RXFP2: variants seen among roughly 807,000 people sequenced by gnomAD.
RXFP2 encodes relaxin family peptide receptor 2, also known as relaxin receptor 2.
A neutral mutation model predicts 88.6 loss-of-function variants in RXFP2; 68 were observed. That is an observed-to-expected ratio of 0.77 (90% CI 0.63 to 0.94). RXFP2 has a LOEUF of 0.94. RXFP2 is among the 40% of genes least tolerant of loss of function. The pLI, the probability that RXFP2 is intolerant of heterozygous loss-of-function variation, is 0.00. For synonymous variants in RXFP2, 329 were observed against 306.8 expected, an observed-to-expected ratio of 1.07 and a Z score of -0.76; for missense variants, 791 against 893.9, an observed-to-expected ratio of 0.88 and a Z score of 1.47.
At chr13:31,796,311 C>A (rs1022047017) in intron 16 of RXFP2, among the ~76,000 whole-genome samples, 2 of 151,604 alleles carry the variant, frequency 1.3e-5, no homozygotes, top group Admixed American at 1.3e-4. Flanking sequence ...GGCCTCCCAA[C>A]TATGTGTTAT....
chr13:31,740,506 G>C (rs1566208920), intron 1 of RXFP2, among the ~76,000 whole-genome samples: 1 of 151,710 alleles, frequency 6.6e-6, no homozygotes, highest in Non-Finnish European at 1.5e-5. Flanking sequence ...TGAGAATAAA[G>C]GTTAAAATTT....
At chr13:31,747,016 C>T (rs1393680878) in intron 1 of RXFP2, among the ~76,000 whole-genome samples, 1 of 152,100 alleles carries the variant, frequency 6.6e-6, no homozygotes, top group Non-Finnish European at 1.5e-5. Context: ...TTATTTGAAG[C>T]CATTTCCTTT....
intron 1 of RXFP2, among the ~76,000 whole-genome samples, chr13:31,754,024 C>T (rs1281345539): frequency 6.6e-6 from 1 of 152,166 alleles, no homozygotes; most frequent in Non-Finnish European, 1.5e-5. Context: ...TGGGGAATGA[C>T]AAGAAATGCA....
intron 4 of RXFP2, among the ~76,000 whole-genome samples, 154 bp downstream of exon 4, chr13:31,765,296 G>A (rs1255081949): frequency 1.3e-5 from 2 of 152,132 alleles, no homozygotes; most frequent in African/African-American, 4.8e-5. Context: ...CCTATTCAGG[G>A]GGAAAAAATG....
intron 14 of RXFP2, 49 bp from the exon 15 acceptor site, chr13:31,791,757 G>A (rs1018628974): frequency 7.8e-7 from 1 of 1,277,280 alleles, no homozygotes; most frequent in African/African-American, 1.5e-5. Flanking sequence ...GCAACTGTAG[G>A]TTCTGTATCA....
intron 1 of RXFP2, among the ~76,000 whole-genome samples, chr13:31,756,017 C>T (rs549842522): frequency 1.3e-5 from 2 of 152,170 alleles, no homozygotes; most frequent in Non-Finnish European, 2.9e-5. Flanking sequence ...CTTTTCCGTG[C>T]TTGCGGGATC....
At chr13:31,757,664 A>T (rs1872019404) in intron 1 of RXFP2, among the ~76,000 whole-genome samples, 1 of 152,234 alleles carries the variant, frequency 6.6e-6, no homozygotes, top group Admixed American at 6.5e-5. Flanking sequence ...CCAAGGGTGG[A>T]TGACTCCTTG....
At chr13:31,760,658 CATT>C (rs1322725881) in intron 2 of RXFP2, among the ~76,000 whole-genome samples, 1 of 152,204 alleles carries the variant, frequency 6.6e-6, no homozygotes, top group African/African-American at 2.4e-5. Context: ...ATAGTAGCAT[CATT>C]GAGAGTATTA....
intron 1 of RXFP2, among the ~76,000 whole-genome samples, chr13:31,744,372 A>T (rs1225981170): frequency 2.6e-5 from 4 of 152,178 alleles, no homozygotes; most frequent in Non-Finnish European, 5.9e-5. Flanking sequence ...CTATAGAAAA[A>T]TGTTCATGTG....
rs9549049 is a variant in RXFP2, at chr13:31,774,722, T to C, written c.569+31T>C. 255,574 of 1,144,058 alleles carry C rather than the reference T, an allele frequency of 0.22. 29,421 individuals carry two copies. The highest frequency in any genetic ancestry group is 0.28 in the Middle Eastern group (1,454 of 5,160). The allele number at this position is 1,144,058 out of a possible 1,614,324, so 70.9% of individuals were successfully genotyped here. On this transcript the variant is annotated intron_variant, in intron 6 of 17. Transcript: ENST00000298386. ...TAACCTCTTTCTCATATTGTAGGTA[T>C]AATTTTAAGCAAAGACTAAAAGGAT...
intron 3 of RXFP2, among the ~76,000 whole-genome samples, chr13:31,762,736 A>G (rs1295853748): frequency 2.0e-5 from 3 of 152,190 alleles, no homozygotes; most frequent in Non-Finnish European, 4.4e-5. Context: ...ATATTTTATT[A>G]TACACAAGAA....
intron 3 of RXFP2, among the ~76,000 whole-genome samples, chr13:31,764,790 G>T (rs759255592): frequency 6.6e-6 from 1 of 152,072 alleles, no homozygotes; most frequent in Non-Finnish European, 1.5e-5. Flanking sequence ...CATTTTGTGC[G>T]TTTTTTCCAA....
intron 3 of RXFP2, among the ~76,000 whole-genome samples, chr13:31,762,741 C>G (rs1025603128): frequency 7.9e-5 from 12 of 151,822 alleles, no homozygotes; most frequent in African/African-American, 2.9e-4. Flanking sequence ...TTATTATACA[C>G]AAGAATATTC....
chr13:31,739,769 T>C, intron 1 of RXFP2, 63 bp downstream of exon 1: 3 of 1,037,598 alleles, frequency 2.9e-6, no homozygotes, highest in South Asian at 1.3e-5. Flanking sequence ...TTCTATGTAG[T>C]TCTATGGCAG....
intron 2 of RXFP2, 95 bp downstream of exon 2, chr13:31,758,499 GC>G: frequency 7.0e-7 from 1 of 1,435,220 alleles, no homozygotes; most frequent in Non-Finnish European, 9.8e-7. Context: ...AACTAGGAAA[GC>G]TGATTTGGTG....
intron 1 of RXFP2, among the ~76,000 whole-genome samples, chr13:31,750,518 A>G (rs2138390257): frequency 6.6e-6 from 1 of 152,338 alleles, no homozygotes; most frequent in African/African-American, 2.4e-5. Flanking sequence ...ATTTGGTCTA[A>G]GAAATGCAAA....
intron 15 of RXFP2, 113 bp from the exon 16 acceptor site, chr13:31,792,565 T>A: frequency 9.8e-7 from 1 of 1,021,688 alleles, no homozygotes; most frequent in Non-Finnish European, 1.5e-6. Context: ...TGATATAAGA[T>A]GAAAGGAACT....
chr13:31,799,135 AAAG>A (rs1874202536), intron 17 of RXFP2, among the ~76,000 whole-genome samples: 1 of 152,028 alleles, frequency 6.6e-6, no homozygotes, highest in African/African-American at 2.4e-5. Flanking sequence ...TTAGTCAACT[AAAG>A]AAGGTGAGCT....
chr13:31,760,305 G>A (rs1872245148), intron 2 of RXFP2, among the ~76,000 whole-genome samples: 1 of 152,116 alleles, frequency 6.6e-6, no homozygotes, highest in South Asian at 2.1e-4. Context: ...TGGCCGGGCT[G>A]GTCTGGAACT....
Sources: allele counts gnomAD v4.1 joint callset (sites outside exome capture counted in the v4.1 genomes callset), GRCh38; gene constraint gnomAD v4.1.1; transcripts MANE v1.5; gene names NCBI Gene and HGNC (gene_info 2026-07-23, HGNC 2026-07-21).